Variants in PRKCE observed in about 807,000 individuals in gnomAD.
The protein encoded by PRKCE is protein kinase C epsilon, also known as protein kinase C epsilon type.
A neutral mutation model predicts 85.4 loss-of-function variants in PRKCE; 16 were observed. The ratio of observed to expected loss-of-function variants is 0.19; its 90% CI spans 0.13 to 0.28. The LOEUF (loss-of-function observed/expected upper bound fraction) is 0.28, where lower values mean the gene tolerates loss of function less well. Among genes scored for constraint, PRKCE ranks in the 10% least tolerant of loss-of-function variants. The pLI is 1.00. For missense variants in PRKCE, 573 were observed against 975.2 expected (o/e 0.59, Z 5.49); for synonymous variants, 388 against 371.5 (o/e 1.04, Z -0.51).
chr2:46,174,863 T>G (rs1679271811), intron 14 of PRKCE, among the ~76,000 whole-genome samples: 1 of 152,006 alleles, frequency 6.6e-6, no homozygotes, highest in Non-Finnish European at 1.5e-5. Context: ...CTAATTTTTG[T>G]ATTTTTTTGT....
intron 2 of PRKCE, among the ~76,000 whole-genome samples, chr2:45,902,140 T>C (rs1696624895): frequency 6.6e-6 from 1 of 152,160 alleles, no homozygotes; most frequent in South Asian, 2.1e-4. Context: ...AATTGGAGTG[T>C]TTGCCCAGCC....
intron 1 of PRKCE, among the ~76,000 whole-genome samples, chr2:45,766,228 G>A (rs970006612): frequency 1.3e-5 from 2 of 152,136 alleles, no homozygotes; most frequent in African/African-American, 4.8e-5. Context: ...AAAATTTCAG[G>A]GCAAGATAAT....
intron 10 of PRKCE, among the ~76,000 whole-genome samples, chr2:46,016,909 CAAA>C (rs10555423): frequency 8.1e-4 from 96 of 118,144 alleles, no homozygotes; most frequent in Non-Finnish European, 1.0e-3. Flanking sequence ...GACTCTGTCT[CAAA>C]AAAAAAAAAA....
intron 1 of PRKCE, among the ~76,000 whole-genome samples, chr2:45,687,304 G>T (rs569097651): frequency 2.6e-5 from 4 of 151,836 alleles, no homozygotes; most frequent in South Asian, 2.1e-4. Flanking sequence ...ATGGAATAAA[G>T]GTATAAACAG....
At chr2:46,127,381 C>T (rs1028614970) in intron 11 of PRKCE, among the ~76,000 whole-genome samples, 2 of 152,166 alleles carry the variant, frequency 1.3e-5, no homozygotes, top group Admixed American at 6.5e-5. Context: ...AAAGAGAGAG[C>T]ACGCCCTAAA....
chr2:45,981,397 T>C (rs1361543678), intron 5 of PRKCE, among the ~76,000 whole-genome samples: 5 of 152,226 alleles, frequency 3.3e-5, no homozygotes, highest in Admixed American at 1.3e-4. Flanking sequence ...GACTGACTTA[T>C]AGAGACTTCT....
intron 2 of PRKCE, among the ~76,000 whole-genome samples, chr2:45,917,661 C>A (rs1697907443): frequency 1.3e-5 from 2 of 152,260 alleles, no homozygotes; most frequent in African/African-American, 2.4e-5. Context: ...AGTCCCGTGC[C>A]ATGCGCCCGC....
chr2:45,837,620 A>T (rs925418405), intron 1 of PRKCE, among the ~76,000 whole-genome samples: 39 of 152,184 alleles, frequency 2.6e-4, no homozygotes, highest in Admixed American at 1.3e-4. Flanking sequence ...CATAGGTGTG[A>T]ATGGCACCTC....
At chr2:46,078,088 T>C (rs1668713650) in intron 10 of PRKCE, 1 of 152,206 alleles carries the variant, frequency 6.6e-6, no homozygotes. Context: ...GATTGCTTGT[T>C]TATCTTTTTC....
At chr2:46,053,757 TG>T (rs1666288401) in intron 10 of PRKCE, among the ~76,000 whole-genome samples, 1 of 27,734 alleles carries the variant, frequency 3.6e-5, no homozygotes, top group East Asian at 4.1e-4. Flanking sequence ...ATCCTGTGGG[TG>T]GACACGTGGG....
intron 10 of PRKCE, 53 bp downstream of exon 10, chr2:46,010,570 G>A (rs560534374): frequency 6.3e-7 from 1 of 1,597,838 alleles, no homozygotes; most frequent in Non-Finnish European, 8.5e-7. Context: ...TTGACTATCA[G>A]ATAAAATACC....
At chr2:46,166,514 G>C (rs1285278096) in intron 14 of PRKCE, among the ~76,000 whole-genome samples, 1 of 152,234 alleles carries the variant, frequency 6.6e-6, no homozygotes, top group Non-Finnish European at 1.5e-5. Flanking sequence ...GACCCAGCGG[G>C]TGGCATGGTA....
intron 1 of PRKCE, among the ~76,000 whole-genome samples, chr2:45,841,574 C>A (rs1691352594): frequency 6.6e-6 from 1 of 152,240 alleles, no homozygotes; most frequent in Non-Finnish European, 1.5e-5. Context: ...GAGAATGGAT[C>A]TGCCTCTCCC....
At chr2:46,042,539 TTC>T (rs1708274735) in intron 10 of PRKCE, among the ~76,000 whole-genome samples, 2 of 152,208 alleles carry the variant, frequency 1.3e-5, no homozygotes, top group Admixed American at 1.3e-4. Flanking sequence ...CAGCCTGCAG[TTC>T]TCTCTCTTTG....
intron 1 of PRKCE, among the ~76,000 whole-genome samples, chr2:45,807,881 T>TC (rs1446019748): frequency 6.6e-6 from 1 of 151,716 alleles, no homozygotes; most frequent in Non-Finnish European, 1.5e-5. Flanking sequence ...CTACTTTCTC[T>TC]CCCCCTGCTG....
intron 6 of PRKCE, among the ~76,000 whole-genome samples, chr2:45,987,591 T>A (rs905826682): frequency 6.6e-6 from 1 of 151,018 alleles, no homozygotes; most frequent in Non-Finnish European, 1.5e-5. Flanking sequence ...CCAACACACA[T>A]GGCCTCCCCC....
At chr2:45,920,891 C>A (rs560253105) in intron 2 of PRKCE, among the ~76,000 whole-genome samples, 1 of 152,272 alleles carries the variant, frequency 6.6e-6, no homozygotes, top group African/African-American at 2.4e-5. Context: ...GGATTTATCT[C>A]AAAGCTGTTT....
chr2:45,868,957 CA>C (rs58698207), intron 2 of PRKCE, among the ~76,000 whole-genome samples: 170 of 112,074 alleles, frequency 1.5e-3, no homozygotes, highest in African/African-American at 2.2e-3. Flanking sequence ...CATCCTGTCT[CA>C]AAAAAAAAAA....
chr2:46,077,292 T>G (rs1362589484), intron 10 of PRKCE, among the ~76,000 whole-genome samples: 1 of 152,138 alleles, frequency 6.6e-6, no homozygotes, highest in East Asian at 1.9e-4. Flanking sequence ...GATGGTTTCA[T>G]GGGTGTATAC....
Sources: gnomAD v4.1 joint callset for allele counts (sites outside exome capture counted in the v4.1 genomes callset) on GRCh38, gnomAD v4.1.1 for gene constraint, MANE v1.5 for transcripts, NCBI Gene and HGNC (gene_info 2026-07-23, HGNC 2026-07-21) for gene names.